RARB: variants seen among roughly 807,000 people sequenced by gnomAD.
RARB encodes retinoic acid receptor beta.
In RARB, 17 loss-of-function variants were observed where a neutral mutation model predicts 51.9. That is an observed-to-expected ratio of 0.33 (90% CI 0.22 to 0.49). The LOEUF is 0.49. RARB is among the 20% of genes least tolerant of loss of function. The pLI is 0.99. For missense variants in RARB, 369 were observed against 550.8 expected, an observed-to-expected ratio of 0.67 and a Z score of 3.30; for synonymous variants, 215 against 195.4, an observed-to-expected ratio of 1.10 and a Z score of -0.84.
At chr3:25,388,608 A>G (rs1706861332) in intron 5 of RARB, among the ~76,000 whole-genome samples, 1 of 152,234 alleles carries the variant, frequency 6.6e-6, no homozygotes, top group African/African-American at 2.4e-5. Context: ...GTGCTTAGTA[A>G]TAAATTAGCA....
At chr3:25,512,430 G>A (rs113189149) in intron 3 of RARB, among the ~76,000 whole-genome samples, 4 of 152,172 alleles carry the variant, frequency 2.6e-5, no homozygotes, top group African/African-American at 7.2e-5. Flanking sequence ...GCACTTCATC[G>A]CTTACACAAT....
intron 2 of RARB, among the ~76,000 whole-genome samples, chr3:24,999,663 C>A (rs906274204): frequency 6.6e-6 from 1 of 152,126 alleles, no homozygotes; most frequent in African/African-American, 2.4e-5. Context: ...TTACCCAGCC[C>A]TTTTGGTTGT....
intron 2 of RARB, among the ~76,000 whole-genome samples, chr3:24,925,829 G>C (rs981110580): frequency 2.0e-5 from 3 of 152,014 alleles, no homozygotes; most frequent in Non-Finnish European, 4.4e-5. Context: ...AGTGTTTCAA[G>C]TTATTCTATA....
At chr3:25,388,570 GT>G (rs1175248701) in intron 5 of RARB, among the ~76,000 whole-genome samples, 2 of 152,060 alleles carry the variant, frequency 1.3e-5, no homozygotes. Context: ...CAAAGAAATT[GT>G]TTTTTTGCCC....
chr3:25,359,256 G>A (rs990577935), intron 5 of RARB, among the ~76,000 whole-genome samples: 48 of 152,202 alleles, frequency 3.2e-4, no homozygotes, highest in African/African-American at 1.1e-3. Context: ...AGATTTTCTA[G>A]CTTATTTGCA....
At chr3:25,596,037 C>T (rs1268027504) in intron 7 of RARB, among the ~76,000 whole-genome samples, 1 of 152,122 alleles carries the variant, frequency 6.6e-6, no homozygotes, top group African/African-American at 2.4e-5. Context: ...TTTCTGTTAT[C>T]AAAAGGAGCA....
rs147514204 is a variant in RARB, at chr3:24,857,269, G to A, written c.-458-1405G>A. Among the ~76,000 whole-genome samples the A allele has an allele frequency of 5.4e-3, 822 of 152,164 alleles. 10 individuals are homozygous for A. Among genetic ancestry groups the A allele is most frequent in the Non-Finnish European group, 7.1e-3 (483 of 68,012 alleles). On this transcript the variant is annotated intron_variant, in intron 1 of 11. Coordinates refer to the RARB transcript ENST00000383772. ...AGATGGGAGAACTGAGAGTCCTAAC[G>A]GTTCTGGAGTCTGTTCCAAAGTTTT...
At chr3:25,311,594 T>C (rs777477584) in intron 5 of RARB, among the ~76,000 whole-genome samples, 1 of 152,220 alleles carries the variant, frequency 6.6e-6, no homozygotes, top group Non-Finnish European at 1.5e-5. Flanking sequence ...GCCAGGTCAG[T>C]ATTCACAGCG....
intron 3 of RARB, among the ~76,000 whole-genome samples, chr3:25,552,685 A>G (rs1699895692): frequency 6.6e-6 from 1 of 152,208 alleles, no homozygotes; most frequent in Non-Finnish European, 1.5e-5. Flanking sequence ...AGGAGATAAT[A>G]CTGCACCCGT....
At chr3:25,061,770 T>A (rs1698556160) in intron 3 of RARB, among the ~76,000 whole-genome samples, 1 of 151,790 alleles carries the variant, frequency 6.6e-6, no homozygotes, top group African/African-American at 2.4e-5. Flanking sequence ...GACTATGGTT[T>A]ACAATTTAGA....
At chr3:25,304,249 G>A (rs944583508) in intron 5 of RARB, among the ~76,000 whole-genome samples, 11 of 152,110 alleles carry the variant, frequency 7.2e-5, no homozygotes, top group Admixed American at 6.6e-4. Flanking sequence ...TTCTAAGAAG[G>A]CTTCTTTATT....
intron 1 of RARB, among the ~76,000 whole-genome samples, chr3:25,450,364 G>A (rs186880956): frequency 3.3e-5 from 5 of 152,246 alleles, no homozygotes; most frequent in Non-Finnish European, 1.5e-5. Flanking sequence ...TTTACAAAGT[G>A]TAAATCCTGC....
intron 5 of RARB, among the ~76,000 whole-genome samples, chr3:25,338,908 AG>A (rs1559363273): frequency 1.3e-5 from 2 of 152,088 alleles, no homozygotes; most frequent in Non-Finnish European, 2.9e-5. Context: ...TTGGCACAGC[AG>A]GGGGCCTTCA....
At position 25,596,679 on chromosome 3, in the gene RARB, A is replaced by C; in HGVS notation, c.*63A>C. ...TCAGTTCCAGGATTTAAAATGCAAGAAAAAACATTTTTACTGCTGCTTAGT... is the reference window on the plus strand; with the variant it reads ...TCAGTTCCAGGATTTAAAATGCAAGCAAAAACATTTTTACTGCTGCTTAGT... On this transcript the variant is annotated 3_prime_UTR_variant, in exon 8 of 8. Coordinates refer to ENST00000330688, the MANE Select transcript of RARB (RefSeq NM_000965.5). The C allele has an allele frequency of 7.1e-7, 1 of 1,399,678 alleles. No individual in the cohort carries two copies. The highest frequency in any genetic ancestry group is 1.4e-5 in the African/African-American group (1 of 69,356). The allele number at this position is 1,399,678 out of a possible 1,614,324, so 86.7% of individuals were successfully genotyped here.
At chr3:25,373,959 T>C (rs1015432084) in intron 5 of RARB, among the ~76,000 whole-genome samples, 4 of 152,166 alleles carry the variant, frequency 2.6e-5, no homozygotes, top group African/African-American at 9.7e-5. Flanking sequence ...TGGGGAACCA[T>C]CATGTATTAT....
At chr3:25,023,833 G>A (rs1697689146) in intron 2 of RARB, among the ~76,000 whole-genome samples, 1 of 152,162 alleles carries the variant, frequency 6.6e-6, no homozygotes, top group African/African-American at 2.4e-5. Flanking sequence ...TTAATTTAGG[G>A]TACATTAAAA....
At chr3:25,447,128 T>C (rs1708983681) in intron 1 of RARB, among the ~76,000 whole-genome samples, 1 of 152,230 alleles carries the variant, frequency 6.6e-6, no homozygotes, top group Non-Finnish European at 1.5e-5. Context: ...CCCCGCCATA[T>C]AAAGTGTGCT....
At chr3:25,131,765 G>A (rs1022665277) in intron 3 of RARB, among the ~76,000 whole-genome samples, 1 of 151,938 alleles carries the variant, frequency 6.6e-6, no homozygotes, top group Non-Finnish European at 1.5e-5. Context: ...TCTAATTTGA[G>A]AATTTGTGCC....
At chr3:24,991,633 A>G (rs529370800) in intron 2 of RARB, among the ~76,000 whole-genome samples, 1 of 152,220 alleles carries the variant, frequency 6.6e-6, no homozygotes, top group South Asian at 2.1e-4. Flanking sequence ...ATTTCACAAC[A>G]AGCACAGTTG....
Sources: gnomAD v4.1 joint callset for allele counts (sites outside exome capture counted in the v4.1 genomes callset) on GRCh38, gnomAD v4.1.1 for gene constraint, MANE v1.5 for transcripts, NCBI Gene and HGNC (gene_info 2026-07-23, HGNC 2026-07-21) for gene names.